RRN3: variants seen among roughly 807,000 people sequenced by gnomAD.
RRN3 encodes RNA polymerase I-specific transcription initiation factor RRN3.
Under a neutral mutation model 82.3 loss-of-function variants are expected in RRN3, and 38 were observed. That is an observed-to-expected ratio of 0.46 (90% CI 0.36 to 0.61). RRN3 has a LOEUF of 0.61. Among genes scored for constraint, RRN3 ranks in the 20% least tolerant of loss-of-function variants. The pLI, the probability that RRN3 is intolerant of heterozygous loss-of-function variation, is 0.00. For missense variants in RRN3, 726 were observed against 793.1 expected (o/e 0.92, Z 1.02); for synonymous variants, 284 against 284.3 (o/e 1.00, Z 0.01).
In RRN3 at chr16:15,060,061, G is replaced by A. The variant is rs1056263894; in HGVS notation, c.*1683C>T. 7.7e-6 allele frequency: 2 copies of A among 259,962 alleles called. No homozygotes were observed. The highest frequency in any genetic ancestry group is 1.5e-5 in the Non-Finnish European group (2 of 130,042). 16.1% of individuals were successfully genotyped at this position (259,962 alleles called of 1,614,324 possible). A position where few individuals can be genotyped will look rare whatever the true frequency, so the allele number is the denominator to read the frequency against. ...ATTGAGGTACCTTTTATTGGTATAA[G>A]AACGTAAGTTCCAGATTAACCATGT... On this transcript the variant is annotated 3_prime_UTR_variant, in exon 18 of 18. Coordinates refer to ENST00000198767, the MANE Select transcript of RRN3 (RefSeq NM_018427.5).
At chr16:15,092,667 T>A (rs2046184016) in intron 1 of RRN3, 53 bp from the exon 2 acceptor site, 5 of 1,158,072 alleles carry the variant, frequency 4.3e-6, no homozygotes, top group Non-Finnish European at 6.5e-6. Flanking sequence ...ATAAAAATTA[T>A]AATAGCCAAC....
At chr16:15,072,603 G>A (rs2045283553) in intron 12 of RRN3, among the ~76,000 whole-genome samples, 1 of 152,090 alleles carries the variant, frequency 6.6e-6, no homozygotes, top group African/African-American at 2.4e-5. Flanking sequence ...AGGAGTTCAA[G>A]ACCAGTATGG....
rs1196611169 is a variant in RRN3, at chr16:15,074,833, G to C, written c.887C>G (p.Thr296Arg). Residue 296 changes from threonine (T) to arginine (R), a missense_variant, in exon 11 of 18, where the codon ACA (threonine) becomes AGA (arginine). By Grantham distance (71) the Thr-to-Arg change is moderately conservative. Coordinates refer to ENST00000198767, the MANE Select transcript of RRN3 (RefSeq NM_018427.5). ...MDEDEETEHE[T>R]KAGPERLDQM... The stretch of plus-strand genomic sequence containing the variant: ...GTCGAGCCGTTCAGGACCAGCCTTT[G>C]TTTCATGTTCAGTTTCTTCATCTTC... The C allele has an allele frequency of 2.5e-6, 4 of 1,612,016 alleles. No homozygotes were observed. The highest frequency in any genetic ancestry group is 2.5e-6 in the Non-Finnish European group (3 of 1,179,246).
intron 8 of RRN3, among the ~76,000 whole-genome samples, chr16:15,080,518 C>G (rs1597957291): frequency 1.3e-5 from 2 of 152,176 alleles, no homozygotes. Flanking sequence ...CACTGCAACC[C>G]TGAATTCCCA....
At chr16:15,087,543 G>A (rs2045956559) in intron 3 of RRN3, among the ~76,000 whole-genome samples, 1 of 152,066 alleles carries the variant, frequency 6.6e-6, no homozygotes, top group South Asian at 2.1e-4. Flanking sequence ...TGCTTACTAT[G>A]CCATATCCAT....
At chr16:15,084,534 T>C in intron 7 of RRN3, 108 bp downstream of exon 7, 2 of 722,604 alleles carry the variant, frequency 2.8e-6, no homozygotes, top group South Asian at 1.9e-5. Flanking sequence ...AAAAAAAACA[T>C]GCAATGTAAG....
chr16:15,092,546 C>A lies in RRN3; in HGVS notation c.158G>T (p.Gly53Val), dbSNP rs2046177193. ...NSPPRKTVRF[G>V]GTVTEVLLKY... ...CAGCAAGACTTCTGTCACAGTTCCA[C>A]CAAACCGAACAGTTTTTCTTGGGGG... Residue 53 changes from glycine to valine, a missense_variant, in exon 2 of 18, where the codon GGT (glycine) becomes GTT (valine). Transcript: ENST00000198767. The A allele has an allele frequency of 1.2e-6, 2 of 1,613,456 alleles. No individual in the cohort carries two copies. Among genetic ancestry groups the A allele is most frequent in the Non-Finnish European group, 1.7e-6 (2 of 1,179,558 alleles).
At chr16:15,077,438 A>G (rs2045509258) in intron 9 of RRN3, among the ~76,000 whole-genome samples, 1 of 151,954 alleles carries the variant, frequency 6.6e-6, no homozygotes, top group Admixed American at 6.6e-5. Flanking sequence ...AGGGGTTTCC[A>G]CTTTTACATC....
intron 12 of RRN3, 111 bp from the exon 13 acceptor site, chr16:15,071,362 A>C (rs575915930): frequency 7.2e-5 from 71 of 989,100 alleles, no homozygotes; most frequent in South Asian, 6.0e-4. Flanking sequence ...CTACTATCTC[A>C]TAACTATCTC....
chr16:15,086,074 A>G (rs1828340), intron 5 of RRN3, 55 bp downstream of exon 5: 3 of 1,515,616 alleles, frequency 2.0e-6, no homozygotes, highest in Non-Finnish European at 2.7e-6. Flanking sequence ...AGGGGAAGGT[A>G]GTATTTTAAT....
rs1340936478 is a variant in RRN3 at position 15,086,192 on chromosome 16, C to T, written c.409G>A (p.Val137Ile). 6.3e-7 allele frequency: 1 copy of T among 1,591,394 alleles called. No individual in the cohort carries two copies. Among genetic ancestry groups the T allele is most frequent in the South Asian group, 1.1e-5 (1 of 89,114 alleles). The change falls in exon 5 of 18, where the codon GTA (valine) becomes ATA (isoleucine). Residue 137 changes from valine (V) to isoleucine (I), a missense_variant. Physicochemically the swap from Val to Ile is conservative, Grantham distance 29 (BLOSUM62 3). Around this residue, in one of 4 missense-constraint regions of RRN3, gnomAD observed 344 missense variants for 394.5 expected, o/e 0.87. Transcript: ENST00000198767. ...EEYLAFLGNL[V>I]SAQTVFLRPC... is the part of the protein sequence containing the mutation. ...CTGAGGAAAACAGTCTGTGCTGATA[C>T]AAGATTACCAAGAAAAGCCAAATAC...
intron 8 of RRN3, among the ~76,000 whole-genome samples, chr16:15,080,306 TG>T (rs1369449446): frequency 6.6e-6 from 1 of 152,264 alleles, no homozygotes; most frequent in African/African-American, 2.4e-5. Flanking sequence ...ATTTTTAATT[TG>T]CATAACTATA....
Position 15,076,654 on chromosome 16 carries a change from T to C in RRN3, c.766-4A>G, listed in dbSNP as rs757304582. 1.1e-5 allele frequency: 18 copies of C among 1,584,362 alleles called. No individual in the cohort carries two copies. The Admixed American group carries it at 1.2e-4, about 10-fold the overall frequency. ...TACCCTGCCGGGATGCATTCACCTA[T>C]AACAAAGGGAGAAAAAAAAAGAATA... On this transcript the variant is annotated splice_region_variant and splice_polypyrimidine_tract_variant and intron_variant, in intron 9 of 17. Transcript: ENST00000198767.
intron 3 of RRN3, among the ~76,000 whole-genome samples, chr16:15,088,006 C>A (rs1006315027): frequency 1.3e-5 from 2 of 151,888 alleles, no homozygotes; most frequent in Admixed American, 6.6e-5. Context: ...CCCAGCTACT[C>A]GGGAGGCTGA....
At chr16:15,074,415 A>C (rs571492132) in intron 11 of RRN3, among the ~76,000 whole-genome samples, 3 of 152,194 alleles carry the variant, frequency 2.0e-5, no homozygotes, top group African/African-American at 7.2e-5. Flanking sequence ...TGCACCCTAC[A>C]TCATTCTTCA....
intron 16 of RRN3, 112 bp downstream of exon 16, chr16:15,065,107 G>T (rs1319598590): frequency 2.8e-6 from 3 of 1,085,992 alleles, no homozygotes; most frequent in Non-Finnish European, 4.0e-6. Flanking sequence ...CGGAGCTTGC[G>T]GTAAGCCGAG....
intron 17 of RRN3, among the ~76,000 whole-genome samples, chr16:15,062,904 C>T (rs1177837008): frequency 6.6e-6 from 1 of 152,172 alleles, no homozygotes; most frequent in African/African-American, 2.4e-5. Context: ...GCTCTGTTGC[C>T]CAGGATGAAG....
intron 8 of RRN3, among the ~76,000 whole-genome samples, chr16:15,081,917 C>G (rs1392877047): frequency 3.3e-5 from 5 of 152,138 alleles, no homozygotes; most frequent in Non-Finnish European, 7.4e-5. Context: ...TGACTATTCT[C>G]CCCTATTCAA....
chr16:15,083,517 G>A lies in RRN3; in HGVS notation c.662C>T (p.Thr221Ile). The A allele has an allele frequency of 1.2e-6, 2 of 1,609,256 alleles. No individual in the cohort carries two copies. The highest frequency in any genetic ancestry group is 8.5e-7 in the Non-Finnish European group (1 of 1,179,160). The change falls in exon 8 of 18, where the codon ACA becomes ATA. Residue 221 changes from threonine to isoleucine, a missense_variant. Physicochemically the swap from Thr to Ile is moderately conservative, Grantham distance 89 (BLOSUM62 -1). Coordinates refer to ENST00000198767, the MANE Select transcript of RRN3 (RefSeq NM_018427.5). ...CTCAATGAAAAGATTTCTTACCAGT[G>A]TTCTCTCTGATTTTCGAACAAATGG... ...KFPFVRKSERTLECYVHNLLR... is the reference protein window; with the variant it reads ...KFPFVRKSERILECYVHNLLR...
Sources: allele counts gnomAD v4.1 joint callset (sites outside exome capture counted in the v4.1 genomes callset), GRCh38; gene constraint gnomAD v4.1.1; regional missense constraint gnomAD v4.1.1; transcripts MANE v1.5; gene names NCBI Gene and HGNC (gene_info 2026-07-23, HGNC 2026-07-21).